The following IL1R1 variants were observed in gnomAD, a reference collection of about 807,000 sequenced individuals.
The protein encoded by IL1R1 is interleukin 1 receptor type 1, also known as interleukin-1 receptor type 1.
A neutral mutation model predicts 50.2 loss-of-function variants in IL1R1; 22 were observed. The observed-to-expected ratio is 0.44, with a 90% CI of 0.31 to 0.63. The LOEUF is 0.63. Ranked by LOEUF, IL1R1 falls within the 20% of genes least tolerant of loss-of-function variation. The probability of loss-of-function intolerance (pLI) is 0.07; values close to 1 mark genes in which losing one functional copy is unlikely to be tolerated. For synonymous variants in IL1R1, 251 were observed against 236.7 expected, an observed-to-expected ratio of 1.06 and a Z score of -0.55; for missense variants, 509 against 676.2, an observed-to-expected ratio of 0.75 and a Z score of 2.74.
intron 11 of IL1R1, 94 bp downstream of exon 11, chr2:102,175,739 G>T (rs1296135073): frequency 8.5e-7 from 1 of 1,174,578 alleles, no homozygotes; most frequent in East Asian, 2.3e-5. Flanking sequence ...TGGCATAGGG[G>T]TATATGTTTC....
rs771106660 is a variant in IL1R1 at position 102,174,573 on chromosome 2, T to C, written c.992-14T>C. On this transcript the variant is annotated splice_polypyrimidine_tract_variant and intron_variant, in intron 9 of 11. Coordinates refer to ENST00000410023, the MANE Select transcript of IL1R1 (RefSeq NM_000877.4). ...TCTAATATTTTTTCTCCTTTTTTTTTCTTTTTGCTATAGTCACTAATTTCC... is the reference window on the plus strand; with the variant it reads ...TCTAATATTTTTTCTCCTTTTTTTTCCTTTTTGCTATAGTCACTAATTTCC... 1.3e-6 allele frequency: 2 copies of C among 1,538,554 alleles called. No individual in the cohort carries two copies. The highest frequency in any genetic ancestry group is 4.7e-5 in the East Asian group (2 of 42,980).
chr2:102,166,109 C>T lies in IL1R1; in HGVS notation c.487-4C>T, dbSNP rs201990741. On this transcript the variant is annotated splice_region_variant and splice_polypyrimidine_tract_variant and intron_variant, in intron 5 of 11. Coordinates refer to ENST00000410023, the MANE Select transcript of IL1R1 (RefSeq NM_000877.4). ...TTTCAATGCTTCTCTCTCCCTTTAT[C>T]TAGGATTGCAAACCTCTACTTCTTG... 6.8e-6 allele frequency: 11 copies of T among 1,610,672 alleles called. No individual in the cohort carries two copies. The highest frequency in any genetic ancestry group is 4.0e-5 in the African/African-American group (3 of 74,964).
chr2:102,163,788 G>A (rs567512048), intron 3 of IL1R1, among the ~76,000 whole-genome samples: 1 of 152,216 alleles, frequency 6.6e-6, no homozygotes, highest in Admixed American at 6.5e-5. Flanking sequence ...AGACATTGTG[G>A]ATTTTACCAT....
rs149076223 is a variant in IL1R1 at position 102,172,689 on chromosome 2, T to A, written c.842T>A (p.Val281Glu). ...TATTTACTCTCTCTCTCGAATAGTG[T>A]GGAAAATCCTGCAAACAAAAGAAGG... ...DPVLGEDYYS[V>E]ENPANKRRST... The change falls in exon 9 of 12, where the codon GTG (valine) becomes GAG (glutamate). Residue 281 changes from valine (V) to glutamate (E), a missense_variant and splice_region_variant. By Grantham distance (121) the Val-to-Glu change is moderately radical. Transcript: ENST00000410023. The A allele has an allele frequency of 9.4e-6, 15 of 1,601,398 alleles. No individual in the cohort carries two copies. Among genetic ancestry groups the A allele is most frequent in the African/African-American group, 1.3e-5 (1 of 74,412 alleles).
At chr2:102,095,877 C>T (rs112995333) in intron 1 of IL1R1, among the ~76,000 whole-genome samples, 24,336 of 151,902 alleles carry the variant, frequency 0.16, 2,956 homozygotes, top group African/African-American at 0.34. Context: ...GTGGTACGTG[C>T]CTGTAATCCC....
chr2:102,149,863 G>T (rs558260149), intron 1 of IL1R1, among the ~76,000 whole-genome samples: 2 of 152,144 alleles, frequency 1.3e-5, no homozygotes, highest in African/African-American at 2.4e-5. Flanking sequence ...GGACTGCTCC[G>T]TGCAGGTCTC....
At chr2:102,088,570 A>T (rs1679527684) in intron 1 of IL1R1, among the ~76,000 whole-genome samples, 1 of 152,230 alleles carries the variant, frequency 6.6e-6, no homozygotes, top group African/African-American at 2.4e-5. Context: ...TTGAAATGAG[A>T]AATGGACGTT....
At chr2:102,098,619 G>C (rs573330878) in intron 1 of IL1R1, among the ~76,000 whole-genome samples, 24 of 152,184 alleles carry the variant, frequency 1.6e-4, no homozygotes, top group African/African-American at 5.1e-4. Flanking sequence ...GTGAAAGTAT[G>C]ATTATGAAAG....
At chr2:102,163,469 CT>C (rs34961509) in intron 3 of IL1R1, among the ~76,000 whole-genome samples, 7 of 151,192 alleles carry the variant, frequency 4.6e-5, no homozygotes, top group African/African-American at 1.2e-4. Flanking sequence ...GTTCACTCAT[CT>C]TTTTTTTTCC....
intron 2 of IL1R1, among the ~76,000 whole-genome samples, chr2:102,155,556 A>G (rs893210076): frequency 2.6e-5 from 4 of 152,014 alleles, no homozygotes; most frequent in African/African-American, 9.7e-5. Context: ...CCTCACTCCC[A>G]TTGGTCATGT....
At chr2:102,174,564 C>CA in intron 9 of IL1R1, 23 bp from the exon 10 acceptor site, 1 of 1,490,218 alleles carries the variant, frequency 6.7e-7, no homozygotes, top group Non-Finnish European at 9.0e-7. Context: ...ATTTTTTCTC[C>CA]TTTTTTTTTC....
chr2:102,096,806 A>G (rs1679922410), intron 1 of IL1R1, among the ~76,000 whole-genome samples: 1 of 150,848 alleles, frequency 6.6e-6, no homozygotes, highest in Admixed American at 6.6e-5. Flanking sequence ...TTAGATAAAT[A>G]TATTCTTTTG....
At chr2:102,158,667 T>TG (rs1466796929) in intron 3 of IL1R1, among the ~76,000 whole-genome samples, 3 of 152,090 alleles carry the variant, frequency 2.0e-5, no homozygotes, top group African/African-American at 7.2e-5. Context: ...GTCTGGGTAA[T>TG]GGGGGGATGG....
At chr2:102,087,332 C>A (rs940158297) in intron 1 of IL1R1, among the ~76,000 whole-genome samples, 1 of 152,106 alleles carries the variant, frequency 6.6e-6, no homozygotes, top group Admixed American at 6.5e-5. Context: ...CATGCCACAG[C>A]GATCAACTCT....
At chr2:102,093,993 T>A (rs760610521) in intron 1 of IL1R1, among the ~76,000 whole-genome samples, 20 of 152,128 alleles carry the variant, frequency 1.3e-4, no homozygotes, top group Admixed American at 7.2e-4. Flanking sequence ...TACACCATGA[T>A]CTGCCCTGGG....
chr2:102,137,118 T>C (rs76626379), intron 1 of IL1R1, among the ~76,000 whole-genome samples: 4,006 of 152,286 alleles, frequency 0.026, 161 homozygotes, highest in African/African-American at 0.091. Flanking sequence ...CCTTTGTAAT[T>C]GGACATTGCT....
intron 1 of IL1R1, among the ~76,000 whole-genome samples, chr2:102,095,956 T>C (rs2104324234): frequency 6.6e-6 from 1 of 152,232 alleles, no homozygotes; most frequent in South Asian, 2.1e-4. Flanking sequence ...TGAGCCGAGA[T>C]CGTGCCACTG....
chr2:102,132,630 C>T (rs1426878116), intron 1 of IL1R1, among the ~76,000 whole-genome samples: 1 of 152,080 alleles, frequency 6.6e-6, no homozygotes, highest in African/African-American at 2.4e-5. Context: ...CAATCAAGGA[C>T]ATCAATGACA....
intron 1 of IL1R1, among the ~76,000 whole-genome samples, chr2:102,105,489 C>G (rs766732016): frequency 2.0e-5 from 3 of 152,102 alleles, no homozygotes; most frequent in African/African-American, 7.2e-5. Flanking sequence ...CTCAGCCTCC[C>G]GAGTAGCTGG....
Sources: gnomAD v4.1 joint callset for allele counts (sites outside exome capture counted in the v4.1 genomes callset) on GRCh38, gnomAD v4.1.1 for gene constraint, MANE v1.5 for transcripts, NCBI Gene and HGNC (gene_info 2026-07-23, HGNC 2026-07-21) for gene names.